The following KL variants were observed in gnomAD, a reference collection of about 807,000 sequenced individuals.
The protein encoded by KL is alpha-klotho.
KL carries 62 observed loss-of-function variants against 84.2 expected under a neutral mutation model. The ratio of observed to expected loss-of-function variants is 0.74; its 90% CI spans 0.60 to 0.91. KL has a LOEUF of 0.91. KL is among the 40% of genes least tolerant of loss of function. The pLI, the probability that KL is intolerant of heterozygous loss-of-function variation, is 0.00. For synonymous variants in KL, 528 were observed against 528.0 expected (o/e 1.00, Z 0.00); for missense variants, 1,261 against 1,305.7 (o/e 0.97, Z 0.53).
At position 33,021,421 on chromosome 13, in the gene KL, TAA is replaced by T. The variant is rs1351850029; in HGVS notation, c.819+4164_819+4165del. Among the ~76,000 whole-genome samples, 6 of 152,206 alleles carry T rather than the reference TAA, an allele frequency of 3.9e-5. No homozygotes were observed. The East Asian group carries it at 1.2e-3, about 29-fold the overall frequency. ...AAGTTTTCAGAATAAGGGCAGGTGG[TAA>T]AGTCTCCTGGCCAGCTTTAGGAGTA... On this transcript the variant is annotated intron_variant, in intron 1 of 4. Coordinates refer to ENST00000380099, the MANE Select transcript of KL (RefSeq NM_004795.4).
At chr13:33,059,246 A>G (rs1211441102) in intron 3 of KL, among the ~76,000 whole-genome samples, 1 of 152,164 alleles carries the variant, frequency 6.6e-6, no homozygotes, top group African/African-American at 2.4e-5. Flanking sequence ...ACATGAAGGA[A>G]TGATTTTGTG....
Position 33,016,544 on chromosome 13 carries a change from C to T in KL, c.104C>T (p.Pro35Leu), listed in dbSNP as rs1381139097. 3.6e-6 allele frequency: 5 copies of T among 1,397,312 alleles called. No individual in the cohort carries two copies. Among genetic ancestry groups the T allele is most frequent in the Non-Finnish European group, 4.6e-6 (5 of 1,080,778 alleles). The allele number at this position is 1,397,312 out of a possible 1,614,324, so 86.6% of individuals were successfully genotyped here. Residue 35 changes from proline (P) to leucine (L), a missense_variant, in exon 1 of 5, where the codon CCG (proline) becomes CTG (leucine). Physicochemically the swap from Pro to Leu is moderately conservative, Grantham distance 98. Coordinates refer to ENST00000380099, the MANE Select transcript of KL (RefSeq NM_004795.4). ...GGCGGCCGCCGCCTGCGTGCGGAGC[C>T]GGGCGACGGCGCGCAGACCTGGGCC... is the stretch of plus-strand genomic sequence containing the variant. ...GLGGRRLRAE[P>L]GDGAQTWARF...
chr13:33,047,610 G>A (rs1284350946), intron 1 of KL, among the ~76,000 whole-genome samples: 2 of 152,222 alleles, frequency 1.3e-5, no homozygotes, highest in Non-Finnish European at 2.9e-5. Context: ...TTACAGGCGT[G>A]AGCCACTGCA....
chr13:33,047,481 T>G (rs1032577012), intron 1 of KL, among the ~76,000 whole-genome samples: 2 of 151,942 alleles, frequency 1.3e-5, no homozygotes, highest in South Asian at 2.1e-4. Flanking sequence ...GCCTCCCGAG[T>G]AGCTGGGATT....
Position 33,053,914 on chromosome 13 carries a change from G to A in KL, c.967G>A (p.Val323Ile), listed in dbSNP as rs143344388. The change falls in exon 2 of 5, where the codon GTA becomes ATA. Residue 323 changes from valine (V) to isoleucine (I), a missense_variant. Physicochemically the swap from Val to Ile is conservative, Grantham distance 29. Transcript: ENST00000380099. Reference sequence around the variant, plus strand: ...AGAATGTCAAAAATCTCTGGACTTTGTACTAGGTTGGTTTGCCAAACCCGT... The same window carrying A: ...AGAATGTCAAAAATCTCTGGACTTTATACTAGGTTGGTTTGCCAAACCCGT... ...IKECQKSLDF[V>I]LGWFAKPVFI... The A allele has an allele frequency of 2.1e-4, 332 of 1,614,138 alleles. 1 individual carries two copies. Among genetic ancestry groups the A allele is most frequent in the Middle Eastern group, 2.0e-3 (12 of 6,062 alleles).
At chr13:33,044,835 A>G (rs747505577) in intron 1 of KL, among the ~76,000 whole-genome samples, 88 of 151,626 alleles carry the variant, frequency 5.8e-4, no homozygotes, top group Non-Finnish European at 8.3e-4. Context: ...TGATTTTTGT[A>G]TTGACATTGT....
chr13:33,055,814 CT>C (rs1311715502), intron 3 of KL, among the ~76,000 whole-genome samples: 1 of 152,168 alleles, frequency 6.6e-6, no homozygotes, highest in Non-Finnish European at 1.5e-5. Flanking sequence ...GTCAGAATGT[CT>C]TTTTTAGCAA....
At chr13:33,035,382 G>C (rs1045653736) in intron 1 of KL, among the ~76,000 whole-genome samples, 1 of 152,166 alleles carries the variant, frequency 6.6e-6, no homozygotes, top group African/African-American at 2.4e-5. Context: ...AGAATGTTTA[G>C]AAAATAAAAG....
intron 4 of KL, among the ~76,000 whole-genome samples, chr13:33,063,299 C>A (rs908132469): frequency 1.3e-5 from 2 of 151,264 alleles, no homozygotes; most frequent in Non-Finnish European, 2.9e-5. Context: ...TGACCAAAAG[C>A]AAGCAGGACA....
At chr13:33,038,580 A>G (rs1482501644) in intron 1 of KL, among the ~76,000 whole-genome samples, 1 of 152,226 alleles carries the variant, frequency 6.6e-6, no homozygotes, top group East Asian at 1.9e-4. Flanking sequence ...AATTTAATCA[A>G]CTAGACCATT....
chr13:33,024,796 T>C (rs1870705142), intron 1 of KL, among the ~76,000 whole-genome samples: 1 of 152,200 alleles, frequency 6.6e-6, no homozygotes, highest in African/African-American at 2.4e-5. Flanking sequence ...CATCAGGCCT[T>C]TATGCCAGCC....
In KL at chr13:33,017,001, C is replaced by T. The variant is rs1286409707; in HGVS notation, c.561C>T (p.Pro187=). ...LERLRELGVQ[P]VVTLYHWDLP... Reference sequence around the variant, plus strand: ...GGCTGCGGGAGCTGGGCGTGCAGCCCGTGGTCACCCTGTACCACTGGGACC... The same window carrying T: ...GGCTGCGGGAGCTGGGCGTGCAGCCTGTGGTCACCCTGTACCACTGGGACC... The change falls in exon 1 of 5, where the codon CCC becomes CCT. Residue 187 remains proline, a synonymous_variant. Coordinates refer to ENST00000380099, the MANE Select transcript of KL (RefSeq NM_004795.4). The T allele has an allele frequency of 6.3e-7, 1 of 1,593,304 alleles. No individual in the cohort carries two copies. The highest frequency in any genetic ancestry group is 2.3e-5 in the East Asian group (1 of 44,288).
At chr13:33,063,681 G>A (rs1256101943) in intron 4 of KL, among the ~76,000 whole-genome samples, 168 bp from the exon 5 acceptor site, 1 of 151,972 alleles carries the variant, frequency 6.6e-6, no homozygotes, top group African/African-American at 2.4e-5. Flanking sequence ...GGAGGCTGAG[G>A]CAGGAGAATC....
At chr13:33,040,438 C>A (rs541421063) in intron 1 of KL, among the ~76,000 whole-genome samples, 3 of 152,176 alleles carry the variant, frequency 2.0e-5, no homozygotes, top group South Asian at 4.2e-4. Flanking sequence ...TTTTTTCAAT[C>A]CTTTGACCTT....
chr13:33,028,069 C>T (rs546429792), intron 1 of KL, among the ~76,000 whole-genome samples: 17 of 152,182 alleles, frequency 1.1e-4, no homozygotes, highest in South Asian at 8.3e-4. Flanking sequence ...CTGATGGGGA[C>T]GCCTTGAGCC....
At chr13:33,019,481 C>A (rs955868235) in intron 1 of KL, among the ~76,000 whole-genome samples, 1 of 151,928 alleles carries the variant, frequency 6.6e-6, no homozygotes, top group Non-Finnish European at 1.5e-5. Flanking sequence ...TGGCTAGCAC[C>A]CTTCCCTCAC....
chr13:33,016,869 G>T lies in KL; in HGVS notation c.429G>T (p.Gly143=). ...FRDTEALREL[G]VTHYRFSISW... is the part of the protein sequence containing the mutation. ...ACACGGAGGCGCTGCGCGAGCTCGG[G>T]GTCACTCACTACCGCTTCTCCATCT... The change falls in exon 1 of 5, where the codon GGG becomes GGT. Residue 143 remains glycine, a synonymous_variant. Transcript: ENST00000380099. The T allele has an allele frequency of 1.2e-6, 2 of 1,612,744 alleles. No homozygotes were observed. Among genetic ancestry groups the T allele is most frequent in the Non-Finnish European group, 1.7e-6 (2 of 1,179,804 alleles).
rs2138247564 is a variant in KL at position 33,063,995 on chromosome 13, A to G, written c.2848A>G (p.Ser950Gly). 6.2e-7 allele frequency: 1 copy of G among 1,614,208 alleles called. No homozygotes were observed. Among genetic ancestry groups the G allele is most frequent in the East Asian group, 2.2e-5 (1 of 44,890 alleles). ...GAAACATTACAGGAAAATTATTGAC[A>G]GCAATGGTTTCCCGGGCCCAGAAAC... The part of the protein sequence containing the change: ...SMKHYRKIID[S>G]NGFPGPETLE... The change falls in exon 5 of 5, where the codon AGC becomes GGC. Residue 950 changes from serine to glycine, a missense_variant. Ser to Gly is a moderately conservative substitution (Grantham distance 56). Transcript: ENST00000380099.
intron 1 of KL, among the ~76,000 whole-genome samples, chr13:33,046,135 G>A (rs1183002760): frequency 1.3e-5 from 2 of 152,230 alleles, no homozygotes; most frequent in Non-Finnish European, 2.9e-5. Flanking sequence ...ATCTGGCTTT[G>A]GTATCAAGAT....
Sources: gnomAD v4.1 joint callset for allele counts (sites outside exome capture counted in the v4.1 genomes callset) on GRCh38, gnomAD v4.1.1 for gene constraint, MANE v1.5 for transcripts, NCBI Gene and HGNC (gene_info 2026-07-23, HGNC 2026-07-21) for gene names.